DNAJB1: variants seen among roughly 807,000 people sequenced by gnomAD.
DNAJB1 encodes the protein dnaJ homolog subfamily B member 1.
DNAJB1 carries 14 observed loss-of-function variants against 24.0 expected under a neutral mutation model. That is an observed-to-expected ratio of 0.58 (90% CI 0.39 to 0.91). The LOEUF (loss-of-function observed/expected upper bound fraction) is 0.91, where lower values mean the gene tolerates loss of function less well. Among genes scored for constraint, DNAJB1 ranks in the 40% least tolerant of loss-of-function variants. The pLI is 0.00. For synonymous variants in DNAJB1, 262 were observed against 174.4 expected, an observed-to-expected ratio of 1.50 and a Z score of -3.96; for missense variants, 517 against 458.1, an observed-to-expected ratio of 1.13 and a Z score of -1.17.
chr19:14,518,158 G>T lies in DNAJB1; in HGVS notation c.192C>A (p.Phe64Leu). The change falls in exon 1 of 3, where the codon TTC becomes TTA. Residue 64 changes from phenylalanine (F) to leucine (L), a missense_variant. Physicochemically the swap from Phe to Leu is conservative, Grantham distance 22. Coordinates refer to ENST00000254322, the MANE Select transcript of DNAJB1 (RefSeq NM_006145.3). ...ACACACCTTCCTCCCCGTAGCGGTC[G>T]AAGATCTCGCGCTTGCGCGGGTCGC... is the stretch of plus-strand genomic sequence containing the variant. ...VLSDPRKREI[F>L]DRYGEEGLKG... 1 of 1,581,368 alleles carries T rather than the reference G, an allele frequency of 6.3e-7. No homozygotes were observed. Among genetic ancestry groups the T allele is most frequent in the Non-Finnish European group, 8.6e-7 (1 of 1,165,108 alleles).
At chr19:14,536,914 G>A (rs990291510) in intron 1 of DNAJB1, among the ~76,000 whole-genome samples, 1 of 149,746 alleles carries the variant, frequency 6.7e-6, no homozygotes, top group African/African-American at 2.5e-5. Context: ...CAAGTAGTAC[G>A]GCCCTACTCA....
intron 1 of DNAJB1, among the ~76,000 whole-genome samples, chr19:14,547,436 C>T (rs1022051113): frequency 4.6e-5 from 7 of 152,144 alleles, no homozygotes; most frequent in South Asian, 2.1e-4. Flanking sequence ...ACTCTGCTCA[C>T]TGCAACCTCT....
chr19:14,539,894 TTC>T (rs2073037479), intron 1 of DNAJB1, among the ~76,000 whole-genome samples: 1 of 150,334 alleles, frequency 6.7e-6, no homozygotes, highest in Non-Finnish European at 1.5e-5. Context: ...TTTTTTTTTT[TTC>T]TGAGACGGAG....
chr19:14,548,865 G>A (rs549788111), intron 1 of DNAJB1, among the ~76,000 whole-genome samples: 1 of 152,016 alleles, frequency 6.6e-6, no homozygotes, highest in African/African-American at 2.4e-5. Context: ...GGGAGCCACC[G>A]CATCCAACCA....
chr19:14,533,132 A>G (rs2072735266), upstream of DNAJB1, among the ~76,000 whole-genome samples: 2 of 142,464 alleles, frequency 1.4e-5, no homozygotes, highest in South Asian at 2.2e-4. Flanking sequence ...AATAAAGGAT[A>G]TATTTCAGCT....
Position 14,518,330 on chromosome 19 carries a change from T to C in DNAJB1, c.20A>G (p.Gln7Arg). Residue 7 changes from glutamine to arginine, a missense_variant, in exon 1 of 3, where the codon CAG becomes CGG. Gln to Arg is a conservative substitution (Grantham distance 43). Coordinates refer to ENST00000254322, the MANE Select transcript of DNAJB1 (RefSeq NM_006145.3). ...CGCGCCGCGGGCCAGGCCCAACGTC[T>C]GGTAGTAGTCTTTACCCATGACCCC... MGKDYY[Q>R]TLGLARGASD... 1 of 1,597,490 alleles carries C rather than the reference T, an allele frequency of 6.3e-7. No individual in the cohort carries two copies. The highest frequency in any genetic ancestry group is 8.5e-7 in the Non-Finnish European group (1 of 1,175,828).
intron 1 of DNAJB1, among the ~76,000 whole-genome samples, chr19:14,536,460 G>A (rs1316441933): frequency 6.6e-6 from 1 of 151,958 alleles, no homozygotes; most frequent in Admixed American, 6.6e-5. Context: ...AGTAGAGATG[G>A]GGTTTCACCA....
chr19:14,540,394 A>T (rs1430964144), intron 1 of DNAJB1, among the ~76,000 whole-genome samples: 3 of 150,102 alleles, frequency 2.0e-5, no homozygotes, highest in East Asian at 2.0e-4. Flanking sequence ...TTTATTTATT[A>T]AAAAATGTGT....
At chr19:14,517,577 C>T (rs1043081089) in intron 1 of DNAJB1, 1 of 154,644 alleles carries the variant, frequency 6.5e-6, no homozygotes, top group Non-Finnish European at 1.4e-5. Context: ...AACAAAAAGC[C>T]CTGCTCTCCT....
At chr19:14,550,898 C>G (rs1475635126), upstream of DNAJB1, among the ~76,000 whole-genome samples, 1 of 152,002 alleles carries the variant, frequency 6.6e-6, no homozygotes, top group East Asian at 1.9e-4. Flanking sequence ...TGTCGAACTC[C>G]TGACCTCAGA....
At chr19:14,529,601 C>A, upstream of DNAJB1, 6 of 1,588,356 alleles carry the variant, frequency 3.8e-6, no homozygotes, top group Non-Finnish European at 5.2e-6. Context: ...CGCGTTTAGT[C>A]TATCGCTGCG....
chr19:14,529,650 G>C, upstream of DNAJB1: 3 of 1,613,764 alleles, frequency 1.9e-6, no homozygotes, highest in Non-Finnish European at 2.5e-6. Flanking sequence ...GTGCCGCGCA[G>C]TTAGGCAGCA....
chr19:14,527,349 T>G (rs1246353509), intron 2 of DNAJB1: 3 of 151,596 alleles, frequency 2.0e-5, no homozygotes, highest in African/African-American at 7.3e-5. Context: ...ACCCAGATAA[T>G]TTTTGTACTT....
In DNAJB1 at chr19:14,516,125, T is replaced by C. The variant is rs758421270; in HGVS notation, c.838A>G (p.Thr280Ala). The C allele has an allele frequency of 5.0e-5, 80 of 1,613,514 alleles. No individual in the cohort carries two copies. The highest frequency in any genetic ancestry group is 6.0e-5 in the Non-Finnish European group (71 of 1,179,922). The change falls in exon 3 of 3, where the codon ACG becomes GCG. Residue 280 changes from threonine (T) to alanine (A), a missense_variant. Transcript: ENST00000254322. ...TVNVPTLDGR[T>A]IPVVFKDVIR... ...ACATCTTTGAATACGACGGGTATCG[T>C]CCTGCCGTCCAGAGTGGGGACGTTC...
exon 1 of DNAJB1, chr19:14,529,220 A>G: frequency 3.7e-6 from 1 of 269,414 alleles, no homozygotes; most frequent in Non-Finnish European, 7.6e-6. Flanking sequence ...CTCAGAATTT[A>G]CCCCTTCGGC....
chr19:14,551,777 G>A (rs940625606), upstream of DNAJB1, among the ~76,000 whole-genome samples: 4 of 152,096 alleles, frequency 2.6e-5, no homozygotes, highest in Admixed American at 6.5e-5. Context: ...AGTTCTTGGT[G>A]TCTGCTGGAG....
Position 14,516,649 on chromosome 19 carries a change from T to C in DNAJB1, c.609A>G (p.Ile203Met), listed in dbSNP as rs1367344143. 1.2e-6 allele frequency: 2 copies of C among 1,614,088 alleles called. No individual in the cohort carries two copies. The highest frequency in any genetic ancestry group is 2.2e-5 in the East Asian group (1 of 44,902). ...DGKSIRNEDK[I>M]LTIEVKKGWK... ...ACCCCTTCTTCACTTCGATGGTCAA[T>C]ATTTTGTCTTCGTTTCGAATGCTCT... The change falls in exon 2 of 3, where the codon ATA (isoleucine) becomes ATG (methionine). Residue 203 changes from isoleucine (I) to methionine (M), a missense_variant. Coordinates refer to ENST00000254322, the MANE Select transcript of DNAJB1 (RefSeq NM_006145.3).
At chr19:14,535,797 A>AGCTGTGG (rs1006912796) in intron 1 of DNAJB1, among the ~76,000 whole-genome samples, 5 of 141,812 alleles carry the variant, frequency 3.5e-5, no homozygotes, top group African/African-American at 1.0e-4. Context: ...GTGAGCCTTG[A>AGCTGTGG]GCTGTGGTGA....
intron 1 of DNAJB1, among the ~76,000 whole-genome samples, chr19:14,548,941 G>A (rs965308242): frequency 3.3e-5 from 5 of 152,020 alleles, no homozygotes; most frequent in Non-Finnish European, 7.4e-5. Context: ...TGAGCATGGC[G>A]TGTTCAATAC....
Sources: gnomAD v4.1 joint callset for allele counts (sites outside exome capture counted in the v4.1 genomes callset) on GRCh38, gnomAD v4.1.1 for gene constraint, MANE v1.5 for transcripts, NCBI Gene and HGNC (gene_info 2026-07-23, HGNC 2026-07-21) for gene names.